Variants in FGF10 observed in about 807,000 individuals in gnomAD.
FGF10 encodes the protein FGF-10.
In FGF10, 2 loss-of-function variants were observed where a neutral mutation model predicts 19.8. The observed-to-expected ratio is 0.10, with a 90% CI of 0.04 to 0.32. FGF10 has a LOEUF of 0.32. Among genes scored for constraint, FGF10 ranks in the 10% least tolerant of loss-of-function variants. The pLI is 1.00. For synonymous variants in FGF10, 112 were observed against 94.0 expected (o/e 1.19, Z -1.10); for missense variants, 191 against 246.3 (o/e 0.78, Z 1.50).
At chr5:44,372,472 G>A (rs1167040421) in intron 1 of FGF10, among the ~76,000 whole-genome samples, 1 of 152,070 alleles carries the variant, frequency 6.6e-6, no homozygotes, top group African/African-American at 2.4e-5. Context: ...ACCATATAAG[G>A]TAATAGTCAC....
At position 44,301,617 on chromosome 5, in the gene FGF10, G is replaced by A. The variant is rs1228142593; in HGVS notation, c.*3378C>T. On this transcript the variant is annotated 3_prime_UTR_variant, in exon 3 of 3. Transcript: ENST00000264664. ...TTTTCTTTATCCACTGTGTAAATTA[G>A]GTGGACCTGAATATTTAGAAAAGAT... Among the ~76,000 whole-genome samples the A allele has an allele frequency of 6.6e-6, 1 of 152,116 alleles. No homozygotes were observed. The highest frequency in any genetic ancestry group is 1.5e-5 in the Non-Finnish European group (1 of 68,014).
At chr5:44,375,022 T>A (rs983176158) in intron 1 of FGF10, among the ~76,000 whole-genome samples, 5 of 152,172 alleles carry the variant, frequency 3.3e-5, no homozygotes, top group Admixed American at 2.0e-4. Context: ...CTAATTTACT[T>A]CAACCATCAT....
At chr5:44,347,705 C>A (rs886100546) in intron 1 of FGF10, among the ~76,000 whole-genome samples, 5 of 151,612 alleles carry the variant, frequency 3.3e-5, no homozygotes, top group African/African-American at 7.3e-5. Context: ...TAGCACAGAG[C>A]AAAAGGTCTA....
intron 1 of FGF10, among the ~76,000 whole-genome samples, chr5:44,334,508 A>G (rs1433177859): frequency 6.6e-6 from 1 of 151,928 alleles, no homozygotes; most frequent in Non-Finnish European, 1.5e-5. Context: ...TTTTTATTAT[A>G]CTTTAAGTTC....
At chr5:44,362,806 G>A (rs893591719) in intron 1 of FGF10, among the ~76,000 whole-genome samples, 5 of 151,410 alleles carry the variant, frequency 3.3e-5, no homozygotes, top group Admixed American at 2.6e-4. Flanking sequence ...TCAGCTCTGA[G>A]TGTTCCTACC....
chr5:44,306,252 C>G (rs144071460), intron 2 of FGF10, among the ~76,000 whole-genome samples: 1 of 152,002 alleles, frequency 6.6e-6, no homozygotes, highest in African/African-American at 2.4e-5. Flanking sequence ...AAAAAATTAG[C>G]CAGGCGTATT....
At chr5:44,324,336 C>G (rs75278092) in intron 1 of FGF10, among the ~76,000 whole-genome samples, 1 of 152,096 alleles carries the variant, frequency 6.6e-6, no homozygotes, top group South Asian at 2.1e-4. Context: ...CTGTAAATGT[C>G]TAACTTTCCT....
intron 1 of FGF10, among the ~76,000 whole-genome samples, chr5:44,361,856 C>T (rs1458422611): frequency 6.6e-6 from 1 of 151,606 alleles, no homozygotes; most frequent in Non-Finnish European, 1.5e-5. Flanking sequence ...TTCTCATTTC[C>T]TTTCGTCTGC....
chr5:44,321,084 T>A (rs1480536014), intron 1 of FGF10, among the ~76,000 whole-genome samples: 1 of 152,168 alleles, frequency 6.6e-6, no homozygotes, highest in Admixed American at 6.5e-5. Context: ...ACTGAGAGCA[T>A]CATTCTTAGT....
intron 1 of FGF10, among the ~76,000 whole-genome samples, chr5:44,377,276 T>C: frequency 6.6e-6 from 1 of 152,218 alleles, no homozygotes; most frequent in African/African-American, 2.4e-5. Flanking sequence ...GAGTAGAAAC[T>C]GCCTTATATG....
intron 1 of FGF10, among the ~76,000 whole-genome samples, chr5:44,364,893 A>T (rs1371068691): frequency 6.6e-6 from 1 of 151,944 alleles, no homozygotes; most frequent in Non-Finnish European, 1.5e-5. Context: ...AAAGATTTTA[A>T]GTAAGTTATT....
At chr5:44,381,349 C>T (rs959938267) in intron 1 of FGF10, among the ~76,000 whole-genome samples, 20 of 152,164 alleles carry the variant, frequency 1.3e-4, no homozygotes, top group African/African-American at 3.6e-4. Context: ...TTAGATGCTA[C>T]GCATCTGAAA....
At position 44,317,708 on chromosome 5, in the gene FGF10, A is replaced by G. The variant is rs560905761; in HGVS notation, c.326-7178T>C. Reference sequence around the variant, plus strand: ...TCACAACACTGTGCTAGATCAATAGATTTGGTAAACTTGACTTTTTTTTTC... The same window carrying G: ...TCACAACACTGTGCTAGATCAATAGGTTTGGTAAACTTGACTTTTTTTTTC... On this transcript the variant is annotated intron_variant, in intron 1 of 2. Transcript: ENST00000264664. 5.3e-5 allele frequency among the ~76,000 whole-genome samples: 8 copies of G among 152,268 alleles called. No homozygotes were observed. In the East Asian group the frequency reaches 1.5e-3, roughly 29 times the overall value.
chr5:44,345,066 C>T lies in FGF10; in HGVS notation c.326-34536G>A, dbSNP rs1048134591. Reference sequence around the variant, plus strand: ...ATATATTATGTATATACACTATTTTCAAATATATTTGGATATTTTTAGTGA... The same window carrying T: ...ATATATTATGTATATACACTATTTTTAAATATATTTGGATATTTTTAGTGA... On this transcript the variant is annotated intron_variant, in intron 1 of 2. Transcript: ENST00000264664. 2.0e-5 allele frequency among the ~76,000 whole-genome samples: 3 copies of T among 151,752 alleles called. No individual in the cohort carries two copies. The Admixed American group carries it at 2.0e-4, about 10-fold the overall frequency.
intron 2 of FGF10, among the ~76,000 whole-genome samples, chr5:44,308,435 G>C (rs923703344): frequency 6.6e-6 from 1 of 151,916 alleles, no homozygotes; most frequent in Admixed American, 6.6e-5. Flanking sequence ...GCTTTAGGAC[G>C]TTGGGTCTAG....
chr5:44,349,451 T>TCAGAATATATATATATATCAGA (rs1330824805), intron 1 of FGF10, among the ~76,000 whole-genome samples: 105 of 16,696 alleles, frequency 6.3e-3, no homozygotes, highest in African/African-American at 9.7e-3. Context: ...TATATATATA[T>TCAGAATATATATATATATCAGA]ATATATATAT....
At chr5:44,345,288 GA>G (rs1040796893) in intron 1 of FGF10, among the ~76,000 whole-genome samples, 3 of 151,108 alleles carry the variant, frequency 2.0e-5, no homozygotes, top group African/African-American at 7.3e-5. Context: ...ATACCTTGAG[GA>G]AAAAAATCAG....
rs570185958 is a variant in FGF10, at chr5:44,380,907, CAGGTTG to C, written c.325+7445_325+7450del. The stretch of plus-strand genomic sequence containing the variant: ...GCTTGGGAGGATCGCCTGAGCCCAG[CAGGTTG>C]AGGCTACAGTAAGCTGTGATCATGA... On this transcript the variant is annotated intron_variant, in intron 1 of 2. Transcript: ENST00000264664. 1.8e-3 allele frequency among the ~76,000 whole-genome samples: 271 copies of C among 152,266 alleles called. 1 individual carries two copies. The highest frequency in any genetic ancestry group is 5.7e-3 in the African/African-American group (237 of 41,568).
chr5:44,346,337 G>T (rs1741090708), intron 1 of FGF10, among the ~76,000 whole-genome samples: 1 of 151,162 alleles, frequency 6.6e-6, no homozygotes, highest in Non-Finnish European at 1.5e-5. Flanking sequence ...AAAATAAAGT[G>T]AATTAAAAAA....
Sources: gnomAD v4.1 joint callset for allele counts (sites outside exome capture counted in the v4.1 genomes callset) on GRCh38, gnomAD v4.1.1 for gene constraint, MANE v1.5 for transcripts, NCBI Gene and HGNC (gene_info 2026-07-23, HGNC 2026-07-21) for gene names.